The following BACH2 variants were observed in gnomAD, a reference collection of about 807,000 sequenced individuals.
The protein encoded by BACH2 is BACH transcriptional regulator 2.
In BACH2, 5 loss-of-function variants were observed where a neutral mutation model predicts 61.8. The observed-to-expected ratio is 0.08, with a 90% confidence interval of 0.04 to 0.17. BACH2 has a LOEUF of 0.17. BACH2 is among the 10% of genes least tolerant of loss of function. The pLI, the probability that BACH2 is intolerant of heterozygous loss-of-function variation, is 1.00. For synonymous variants in BACH2, 446 were observed against 440.1 expected (o/e 1.01, Z -0.17); for missense variants, 824 against 1,091.1 (o/e 0.76, Z 3.45).
intron 5 of BACH2, among the ~76,000 whole-genome samples, chr6:90,026,456 T>C (rs1448835886): frequency 6.6e-6 from 1 of 152,196 alleles, no homozygotes; most frequent in African/African-American, 2.4e-5. Flanking sequence ...AGTCATGCCA[T>C]TGTTCCTAGT....
chr6:90,277,587 CGTCA>C (rs1428923243), intron 1 of BACH2, among the ~76,000 whole-genome samples: 1 of 152,202 alleles, frequency 6.6e-6, no homozygotes. Flanking sequence ...TATGGAAATT[CGTCA>C]GTAAGATGAA....
chr6:89,984,930 G>C (rs1776156031), intron 6 of BACH2, among the ~76,000 whole-genome samples: 1 of 152,110 alleles, frequency 6.6e-6, no homozygotes, highest in Non-Finnish European at 1.5e-5. Context: ...ACCACCTGAA[G>C]TCATTTCACT....
rs1018435479 is a variant in BACH2, at chr6:90,104,125, T to C, written c.-161-15016A>G. 2.0e-5 allele frequency among the ~76,000 whole-genome samples: 3 copies of C among 152,182 alleles called. No homozygotes were observed. In the East Asian group the frequency reaches 5.8e-4, roughly 29 times the overall value. On this transcript the variant is annotated intron_variant, in intron 4 of 8. Coordinates refer to ENST00000257749, the MANE Select transcript of BACH2 (RefSeq NM_021813.4). ...TATTTCCAAAAAGATGTTACAATCC[T>C]TCACAATTTTATTGAGATCACTGAT...
chr6:90,029,578 TC>T (rs1318826964), intron 5 of BACH2, among the ~76,000 whole-genome samples: 3 of 152,236 alleles, frequency 2.0e-5, no homozygotes, highest in Non-Finnish European at 4.4e-5. Flanking sequence ...GACCTATTTT[TC>T]TATTGAGGGC....
At chr6:90,268,012 T>TG (rs1771397931) in intron 2 of BACH2, among the ~76,000 whole-genome samples, 2 of 149,296 alleles carry the variant, frequency 1.3e-5, no homozygotes, top group African/African-American at 4.9e-5. Flanking sequence ...CCTTTTTTGT[T>TG]TTTTTTTTTT....
chr6:89,954,207 A>C (rs1333406923), intron 6 of BACH2, among the ~76,000 whole-genome samples: 2 of 152,190 alleles, frequency 1.3e-5, no homozygotes, highest in African/African-American at 4.8e-5. Context: ...AGGGTGGATA[A>C]GACACTTCTT....
At chr6:90,014,468 A>ATTTTT (rs1164045089) in intron 5 of BACH2, among the ~76,000 whole-genome samples, 342 of 32,298 alleles carry the variant, frequency 0.011, 54 homozygotes, top group Non-Finnish European at 0.013. Context: ...ATATATATAT[A>ATTTTT]TTTTTTTTTT....
intron 6 of BACH2, among the ~76,000 whole-genome samples, chr6:89,986,047 T>G (rs6908310): frequency 0.094 from 14,269 of 152,154 alleles, 745 homozygotes; most frequent in African/African-American, 0.13. Flanking sequence ...GCCTTGCATC[T>G]GAGAAAGGCA....
chr6:90,097,270 GA>G (rs906090260), intron 4 of BACH2, among the ~76,000 whole-genome samples: 1 of 52,044 alleles, frequency 1.9e-5, no homozygotes, highest in African/African-American at 2.4e-4. Context: ...GTGTTCTATA[GA>G]TTTTTTTTAA....
At chr6:90,103,029 A>ATATTT in intron 4 of BACH2, among the ~76,000 whole-genome samples, 5 of 21,164 alleles carry the variant, frequency 2.4e-4, no homozygotes, top group East Asian at 1.5e-3. Flanking sequence ...ATATATATAT[A>ATATTT]TTTTTTTTTT....
intron 1 of BACH2, among the ~76,000 whole-genome samples, chr6:90,296,181 A>G (rs1772372093): frequency 6.6e-6 from 1 of 151,854 alleles, no homozygotes; most frequent in Admixed American, 6.6e-5. Context: ...CTGTTCCAAA[A>G]CACCCTTCGA....
intron 6 of BACH2, among the ~76,000 whole-genome samples, chr6:90,000,600 C>T (rs181631409): frequency 9.9e-5 from 15 of 152,254 alleles, no homozygotes; most frequent in African/African-American, 3.6e-4. Context: ...GAACAGCGGC[C>T]CTGCAAGTCA....
intron 5 of BACH2, among the ~76,000 whole-genome samples, chr6:90,052,865 TTACTC>T (rs1246128664): frequency 6.6e-6 from 1 of 152,254 alleles, no homozygotes; most frequent in Non-Finnish European, 1.5e-5. Context: ...ATCTTAATGT[TTACTC>T]TATTTTTTAG....
At chr6:90,097,515 C>A (rs979750879) in intron 4 of BACH2, among the ~76,000 whole-genome samples, 1 of 152,164 alleles carries the variant, frequency 6.6e-6, no homozygotes, top group Non-Finnish European at 1.5e-5. Flanking sequence ...ACTTCTACCC[C>A]ATACACACTT....
At chr6:90,092,280 T>TAAA (rs200675044) in intron 4 of BACH2, among the ~76,000 whole-genome samples, 72 of 77,186 alleles carry the variant, frequency 9.3e-4, no homozygotes, top group East Asian at 4.4e-3. Flanking sequence ...ACTGTCAAAG[T>TAAA]AAAAAAAAAA....
chr6:90,040,632 G>A (rs1779488828), intron 5 of BACH2, among the ~76,000 whole-genome samples: 1 of 151,844 alleles, frequency 6.6e-6, no homozygotes, highest in East Asian at 1.9e-4. Context: ...TTCTGTCCAA[G>A]GACATGGATT....
chr6:90,169,559 T>G (rs966994047), intron 4 of BACH2, among the ~76,000 whole-genome samples: 1 of 152,206 alleles, frequency 6.6e-6, no homozygotes. Flanking sequence ...TCAGCTGATG[T>G]GCTTGTAATA....
chr6:90,293,735 G>A (rs1405205421), intron 1 of BACH2, among the ~76,000 whole-genome samples: 1 of 152,184 alleles, frequency 6.6e-6, no homozygotes, highest in Non-Finnish European at 1.5e-5. Context: ...TCTATCAGGT[G>A]GAAACATTTC....
At chr6:90,195,048 C>A (rs533020954) in intron 4 of BACH2, among the ~76,000 whole-genome samples, 333 of 152,280 alleles carry the variant, frequency 2.2e-3, no homozygotes, top group Non-Finnish European at 3.7e-3. Context: ...AAATCCCCAG[C>A]TCAGTTTCAA....
Sources: allele counts gnomAD v4.1 joint callset (sites outside exome capture counted in the v4.1 genomes callset), GRCh38; gene constraint gnomAD v4.1.1; transcripts MANE v1.5; gene names NCBI Gene and HGNC (gene_info 2026-07-23, HGNC 2026-07-21).